Variants in SLC1A3 observed in about 807,000 individuals in gnomAD.
The protein encoded by SLC1A3 is excitatory amino acid transporter 1.
Under a neutral mutation model 48.1 loss-of-function variants are expected in SLC1A3, and 21 were observed. That is an observed-to-expected ratio of 0.44 (90% confidence interval 0.31 to 0.63). SLC1A3 has a LOEUF of 0.63. SLC1A3 is among the 20% of genes least tolerant of loss of function. SLC1A3 has a pLI of 0.08. For synonymous variants in SLC1A3, 239 were observed against 251.4 expected, an observed-to-expected ratio of 0.95 and a Z score of 0.47; for missense variants, 546 against 689.0, an observed-to-expected ratio of 0.79 and a Z score of 2.32.
intron 1 of SLC1A3, chr5:36,608,104 C>T (rs550288298): frequency 8.7e-5 from 24 of 275,074 alleles, no homozygotes; most frequent in South Asian, 2.8e-4. Context: ...AGGGGAAGGA[C>T]GGATTTTTAA....
At chr5:36,618,237 C>G (rs2111706691) in intron 2 of SLC1A3, among the ~76,000 whole-genome samples, 1 of 152,298 alleles carries the variant, frequency 6.6e-6, no homozygotes, top group Non-Finnish European at 1.5e-5. Flanking sequence ...TTTTGAAGCC[C>G]TTTCACATCT....
Position 36,637,137 on chromosome 5 carries a change from C to T in SLC1A3, c.319+7550C>T, listed in dbSNP as rs183110432. Among the ~76,000 whole-genome samples, 575 of 152,300 alleles carry T rather than the reference C, an allele frequency of 3.8e-3. 4 individuals carry two copies. The highest frequency in any genetic ancestry group is 0.013 in the African/African-American group (554 of 41,566). ...ATCTTGATTGCCTCTCCACCATCCA[C>T]TGTGCTCCCAGAGCTGATCCTGGTG... On this transcript the variant is annotated intron_variant, in intron 3 of 9. Coordinates refer to ENST00000265113, the MANE Select transcript of SLC1A3 (RefSeq NM_004172.5).
chr5:36,641,315 G>A (rs1237507021), intron 3 of SLC1A3, among the ~76,000 whole-genome samples: 1 of 152,022 alleles, frequency 6.6e-6, no homozygotes, highest in African/African-American at 2.4e-5. Flanking sequence ...TCTAATATTG[G>A]TAATTCTTTT....
At chr5:36,599,604 G>T (rs1239050025) in intron 1 of SLC1A3, among the ~76,000 whole-genome samples, 2 of 138,906 alleles carry the variant, frequency 1.4e-5, no homozygotes, top group Admixed American at 1.6e-4. Context: ...CCGCCTCCAG[G>T]GTTCAAGCGA....
intron 2 of SLC1A3, among the ~76,000 whole-genome samples, chr5:36,624,144 T>C (rs373414557): frequency 1.3e-5 from 2 of 152,328 alleles, no homozygotes. Flanking sequence ...AGAAAGCTGA[T>C]GAAAAATGAC....
chr5:36,665,585 A>C (rs546349302), intron 3 of SLC1A3, among the ~76,000 whole-genome samples: 47 of 152,360 alleles, frequency 3.1e-4, no homozygotes, highest in African/African-American at 1.1e-3. Context: ...AATAAGTAAT[A>C]ATAACACCTA....
At position 36,686,263 on chromosome 5, in the gene SLC1A3, G is replaced by A. The variant is rs1162690889; in HGVS notation, c.1623G>A (p.Lys541=). The part of the protein sequence containing the change: ...ETEKPIDSET[K]M ...AGAAACCCATCGACAGTGAAACCAA[G>A]ATGTAGACTAACATAAAGAAACACT... Residue 541 remains lysine (K), a synonymous_variant, in exon 10 of 10, where the codon AAG becomes AAA. Transcript: ENST00000265113. 1 of 1,609,952 alleles carries A rather than the reference G, an allele frequency of 6.2e-7. No individual in the cohort carries two copies. Among genetic ancestry groups the A allele is most frequent in the Admixed American group, 1.7e-5 (1 of 60,028 alleles).
At chr5:36,658,335 G>A (rs1042573643) in intron 3 of SLC1A3, among the ~76,000 whole-genome samples, 15 of 152,126 alleles carry the variant, frequency 9.9e-5, no homozygotes, top group African/African-American at 2.9e-4. Context: ...GTAGGCCTGC[G>A]TAGGAAATGA....
In SLC1A3 at chr5:36,642,117, G is replaced by A. The variant is rs74862670; in HGVS notation, c.319+12530G>A. Among the ~76,000 whole-genome samples the A allele has an allele frequency of 6.0e-3, 920 of 152,154 alleles. 11 individuals are homozygous for A. Among genetic ancestry groups the A allele is most frequent in the Middle Eastern group, 0.02 (6 of 294 alleles). On this transcript the variant is annotated intron_variant, in intron 3 of 9. Coordinates refer to ENST00000265113, the MANE Select transcript of SLC1A3 (RefSeq NM_004172.5). ...TTTAATCTATAAACCTTTTTTCTCC[G>A]AACTGGGTACATTGGCATCATTATT...
intron 2 of SLC1A3, chr5:36,613,279 CT>C (rs1739284094): frequency 5.6e-6 from 1 of 177,546 alleles, no homozygotes; most frequent in Non-Finnish European, 1.2e-5. Flanking sequence ...GGCTATCCTA[CT>C]GCATAAATGA....
chr5:36,603,593 A>C (rs191693034), upstream of SLC1A3, among the ~76,000 whole-genome samples: 46 of 152,316 alleles, frequency 3.0e-4, no homozygotes, highest in Admixed American at 7.2e-4. Flanking sequence ...AGACTTCACC[A>C]CAGGTTTTTT....
intron 2 of SLC1A3, among the ~76,000 whole-genome samples, chr5:36,612,422 CAT>C (rs1739240011): frequency 6.6e-6 from 1 of 152,034 alleles, no homozygotes; most frequent in South Asian, 2.1e-4. Flanking sequence ...TCTCCAAAAA[CAT>C]TTTTTAAAAA....
At chr5:36,623,795 A>G (rs1170745670) in intron 2 of SLC1A3, among the ~76,000 whole-genome samples, 1 of 151,020 alleles carries the variant, frequency 6.6e-6, no homozygotes, top group Non-Finnish European at 1.5e-5. Context: ...ACCCAGAGGC[A>G]GAGGTTGCAG....
intron 3 of SLC1A3, among the ~76,000 whole-genome samples, chr5:36,630,251 G>A (rs1740086166): frequency 6.6e-6 from 1 of 152,162 alleles, no homozygotes; most frequent in Non-Finnish European, 1.5e-5. Flanking sequence ...AGCTTTGCAG[G>A]ATAGGATTCT....
intron 2 of SLC1A3, among the ~76,000 whole-genome samples, chr5:36,624,992 T>C (rs1046280723): frequency 4.6e-5 from 7 of 152,186 alleles, no homozygotes; most frequent in African/African-American, 1.4e-4. Context: ...CAGGCTCTTT[T>C]GAGACCTATA....
chr5:36,608,922 T>C (rs13173144), intron 2 of SLC1A3: 350,277 of 1,060,234 alleles, frequency 0.33, 61,489 homozygotes, highest in Non-Finnish European at 0.36. Context: ...AAAGCAAGCA[T>C]GCTAGATTTG....
chr5:36,596,908 G>A (rs1321857189), intron 1 of SLC1A3, among the ~76,000 whole-genome samples: 1 of 152,202 alleles, frequency 6.6e-6, no homozygotes, highest in Non-Finnish European at 1.5e-5. Context: ...TCAGAGCACG[G>A]ATGGGGGCCT....
intron 1 of SLC1A3, among the ~76,000 whole-genome samples, chr5:36,601,271 T>C (rs1341089188): frequency 6.7e-6 from 1 of 149,196 alleles, no homozygotes; most frequent in African/African-American, 2.5e-5. Flanking sequence ...CCTTTGGTAC[T>C]GTATTATGTT....
chr5:36,623,014 C>CAAAAAAAAAAAA (rs1158762437), intron 2 of SLC1A3, among the ~76,000 whole-genome samples: 1 of 51,938 alleles, frequency 1.9e-5, no homozygotes, highest in Non-Finnish European at 4.2e-5. Flanking sequence ...TCCATCATCT[C>CAAAAAAAAAAAA]AAAAAAAAAA....
Sources: allele counts gnomAD v4.1 joint callset (sites outside exome capture counted in the v4.1 genomes callset), GRCh38; gene constraint gnomAD v4.1.1; transcripts MANE v1.5; gene names NCBI Gene and HGNC (gene_info 2026-07-23, HGNC 2026-07-21).